Variants in AGMO observed in about 807,000 individuals in gnomAD.
The protein encoded by AGMO is alkylglycerol monooxygenase, also known as glyceryl-ether monooxygenase.
In AGMO, 75 loss-of-function variants were observed where a neutral mutation model predicts 60.2. The ratio of observed to expected loss-of-function variants is 1.25; its 90% confidence interval spans 1.03 to 1.51. The LOEUF (loss-of-function observed/expected upper bound fraction) is 1.51, where lower values mean the gene tolerates loss of function less well. Among genes scored for constraint, AGMO ranks in the 40% most tolerant of loss-of-function variants. The probability of loss-of-function intolerance (pLI) is 0.00; values close to 1 mark genes in which losing one functional copy is unlikely to be tolerated. For missense variants in AGMO, 763 were observed against 525.5 expected, an observed-to-expected ratio of 1.45 and a Z score of -4.42; for synonymous variants, 261 against 177.1, an observed-to-expected ratio of 1.47 and a Z score of -3.76.
At chr7:15,550,157 A>C (rs1784906959) in intron 2 of AGMO, among the ~76,000 whole-genome samples, 5 of 151,236 alleles carry the variant, frequency 3.3e-5, no homozygotes, top group Admixed American at 3.3e-4. Flanking sequence ...TCTGGGATGC[A>C]TTCAAAGCAG....
chr7:15,186,172 T>C, the AGMO span, among the ~76,000 whole-genome samples: 1 of 152,302 alleles, frequency 6.6e-6, no homozygotes, highest in African/African-American at 2.4e-5. Context: ...TAATATTCTG[T>C]TGGTAATAAG....
the AGMO span, among the ~76,000 whole-genome samples, chr7:15,122,034 G>A: frequency 4.0e-5 from 6 of 151,898 alleles, no homozygotes; most frequent in African/African-American, 1.2e-4. Context: ...AATCAATTGC[G>A]ACAAAAGCTA....
intron 12 of AGMO, among the ~76,000 whole-genome samples, chr7:15,233,907 C>T (rs947950248): frequency 8.6e-5 from 13 of 152,042 alleles, no homozygotes; most frequent in East Asian, 1.9e-4. Context: ...ATTAGCTGGG[C>T]GTGGTGGTGC....
intron 12 of AGMO, among the ~76,000 whole-genome samples, chr7:15,351,854 AGT>A (rs1230968630): frequency 6.6e-6 from 1 of 152,184 alleles, no homozygotes; most frequent in Admixed American, 6.6e-5. Context: ...TCATTGAGAA[AGT>A]GTTAAAATAC....
intron 12 of AGMO, among the ~76,000 whole-genome samples, chr7:15,322,349 A>G (rs1227090346): frequency 6.9e-6 from 1 of 144,074 alleles, no homozygotes; most frequent in Non-Finnish European, 1.5e-5. Context: ...CAGTTGGGAA[A>G]ACAATTGGGA....
intron 12 of AGMO, among the ~76,000 whole-genome samples, chr7:15,219,565 G>C (rs764204828): frequency 2.0e-5 from 3 of 152,100 alleles, no homozygotes; most frequent in Non-Finnish European, 4.4e-5. Context: ...AAAGAGTAAA[G>C]AAGGATAAGG....
intron 6 of AGMO, among the ~76,000 whole-genome samples, chr7:15,392,044 C>T (rs56343373): frequency 0.26 from 40,260 of 151,938 alleles, 5,780 homozygotes; most frequent in Middle Eastern, 0.39. Flanking sequence ...ACTTGTTCTT[C>T]TCGACTTCCT....
At chr7:15,529,602 T>C (rs868567660) in intron 3 of AGMO, among the ~76,000 whole-genome samples, 71 of 43,798 alleles carry the variant, frequency 1.6e-3, no homozygotes, top group African/African-American at 7.5e-3. Flanking sequence ...AAACTCTATA[T>C]ATAGAGTATA....
chr7:15,285,205 A>AT (rs1284210310), intron 12 of AGMO, among the ~76,000 whole-genome samples: 1 of 152,056 alleles, frequency 6.6e-6, no homozygotes, highest in Non-Finnish European at 1.5e-5. Flanking sequence ...TCTATTCAAC[A>AT]TAACACCTGA....
In AGMO at chr7:15,354,333, TGTATATACACGC is replaced by T. The variant is rs1489830872; in HGVS notation, c.1263+11169_1263+11180del. Among the ~76,000 whole-genome samples, 33 of 86,030 alleles carry T rather than the reference TGTATATACACGC, an allele frequency of 3.8e-4. 2 individuals are homozygous for T. The highest frequency in any genetic ancestry group is 5.4e-4 in the Non-Finnish European group (24 of 44,710). 56.4% of individuals were successfully genotyped at this position (86,030 alleles called of 152,430 possible). ...ATACACGCGTGTATATACGTACGCG[TGTATATACACGC>T]GTGTATATAGACGTGTGTATATAGA... is the stretch of plus-strand genomic sequence containing the variant. On this transcript the variant is annotated intron_variant, in intron 12 of 12. Coordinates refer to ENST00000342526, the MANE Select transcript of AGMO (RefSeq NM_001004320.2).
the AGMO span, among the ~76,000 whole-genome samples, chr7:15,144,574 G>C: frequency 2.0e-5 from 3 of 152,118 alleles, no homozygotes; most frequent in Non-Finnish European, 2.9e-5. Context: ...TTAAGTATGC[G>C]CATGCACGTT....
intron 12 of AGMO, among the ~76,000 whole-genome samples, chr7:15,258,417 C>G (rs759436744): frequency 1.3e-5 from 2 of 151,736 alleles, no homozygotes; most frequent in Non-Finnish European, 2.9e-5. Flanking sequence ...TGGTGGCAGG[C>G]GCCTGTAGTC....
chr7:15,553,594 T>C (rs949039376), intron 2 of AGMO, among the ~76,000 whole-genome samples: 1 of 151,990 alleles, frequency 6.6e-6, no homozygotes, highest in African/African-American at 2.4e-5. Context: ...TTTAATACCT[T>C]TTTTAAAAAA....
At chr7:15,373,715 C>G (rs1366180156) in intron 10 of AGMO, among the ~76,000 whole-genome samples, 1 of 152,032 alleles carries the variant, frequency 6.6e-6, no homozygotes, top group Non-Finnish European at 1.5e-5. Flanking sequence ...TTTTTTTAAA[C>G]TTTATGCATT....
At chr7:15,354,447 T>C (rs559972531) in intron 12 of AGMO, among the ~76,000 whole-genome samples, 2,276 of 18,678 alleles carry the variant, frequency 0.12, 323 homozygotes, top group African/African-American at 0.3. Context: ...TATACACACG[T>C]GTGTGTATAC....
intron 10 of AGMO, among the ~76,000 whole-genome samples, chr7:15,385,062 T>C (rs1011035475): frequency 1.3e-5 from 2 of 152,176 alleles, no homozygotes; most frequent in Non-Finnish European, 2.9e-5. Context: ...CTTTAAATTC[T>C]ATCAGGGAAT....
the AGMO span, among the ~76,000 whole-genome samples, chr7:15,189,211 G>C: frequency 6.6e-6 from 1 of 152,128 alleles, no homozygotes; most frequent in Non-Finnish European, 1.5e-5. Context: ...ACAATTAGGG[G>C]AGAAATCCAG....
intron 12 of AGMO, among the ~76,000 whole-genome samples, chr7:15,341,878 C>T (rs1781859957): frequency 6.6e-6 from 1 of 151,820 alleles, no homozygotes; most frequent in Non-Finnish European, 1.5e-5. Context: ...CATCAGATCT[C>T]GTGAGACATA....
At chr7:15,502,118 A>G (rs1030617846) in intron 3 of AGMO, among the ~76,000 whole-genome samples, 6 of 152,012 alleles carry the variant, frequency 3.9e-5, no homozygotes, top group African/African-American at 1.4e-4. Flanking sequence ...CCTCATCTCC[A>G]AAGTGAGGGA....
Sources: allele counts gnomAD v4.1 joint callset (sites outside exome capture counted in the v4.1 genomes callset), GRCh38; gene constraint gnomAD v4.1.1; transcripts MANE v1.5; gene names NCBI Gene and HGNC (gene_info 2026-07-23, HGNC 2026-07-21).